TFDP2: variants seen among roughly 807,000 people sequenced by gnomAD.
TFDP2 encodes transcription factor Dp-2 (E2F dimerization partner 2).
A neutral mutation model predicts 59.3 loss-of-function variants in TFDP2; 17 were observed. The observed-to-expected ratio is 0.29, with a 90% CI of 0.20 to 0.43. The LOEUF (loss-of-function observed/expected upper bound fraction) is 0.43. Ranked by LOEUF, TFDP2 falls within the 20% of genes least tolerant of loss-of-function variation. The pLI is 1.00. For missense variants in TFDP2, 391 were observed against 528.8 expected (o/e 0.74, Z 2.56); for synonymous variants, 180 against 194.7 (o/e 0.92, Z 0.63).
At position 142,045,320 on chromosome 3, in the gene TFDP2, G is replaced by A. The variant is rs531882665; in HGVS notation, c.83-39776C>T. The stretch of plus-strand genomic sequence containing the variant: ...GACTACAGGTGCCCACCACAACACC[G>A]GGCTAATTTTTGTATTTTTAGTAGA... On this transcript the variant is annotated intron_variant, in intron 3 of 12. Coordinates refer to ENST00000489671, the MANE Select transcript of TFDP2 (RefSeq NM_001178139.2). Among the ~76,000 whole-genome samples, 568 of 150,972 alleles carry A rather than the reference G, an allele frequency of 3.8e-3. 4 individuals are homozygous for A. Among genetic ancestry groups the A allele is most frequent in the Admixed American group, 5.7e-3 (87 of 15,162 alleles).
chr3:142,079,607 A>C (rs2060569898), intron 3 of TFDP2, among the ~76,000 whole-genome samples: 1 of 152,180 alleles, frequency 6.6e-6, no homozygotes, highest in Admixed American at 6.5e-5. Flanking sequence ...CAAACTCCTG[A>C]AGGTCAAAGA....
intron 1 of TFDP2, among the ~76,000 whole-genome samples, chr3:142,132,340 G>GT (rs140777987): frequency 1.3e-5 from 2 of 150,046 alleles, no homozygotes; most frequent in South Asian, 2.1e-4. Flanking sequence ...TGAGTATGGG[G>GT]TTTTTTTAAG....
chr3:142,010,530 A>G (rs1168965883), intron 3 of TFDP2, among the ~76,000 whole-genome samples: 3 of 146,002 alleles, frequency 2.1e-5, no homozygotes, highest in Non-Finnish European at 4.5e-5. Flanking sequence ...AATCGCTTGA[A>G]CCCGGGAGGC....
intron 10 of TFDP2, among the ~76,000 whole-genome samples, chr3:141,960,568 C>T (rs1194181539): frequency 6.6e-6 from 1 of 152,058 alleles, no homozygotes; most frequent in East Asian, 1.9e-4. Flanking sequence ...GGTTTGGGGA[C>T]AATGGTAGGT....
chr3:141,977,110 T>A (rs376033049), intron 7 of TFDP2, among the ~76,000 whole-genome samples: 2,976 of 78,138 alleles, frequency 0.038, 38 homozygotes, highest in Middle Eastern at 0.045. Flanking sequence ...ATATATATTT[T>A]TTTTTTTTTT....
chr3:142,052,265 CG>C (rs1429411043), intron 3 of TFDP2, among the ~76,000 whole-genome samples: 7 of 151,952 alleles, frequency 4.6e-5, no homozygotes, highest in African/African-American at 1.7e-4. Flanking sequence ...TGGCCGTGCG[CG>C]GTGGCTCACG....
chr3:142,135,645 A>T (rs1229853195), intron 1 of TFDP2, among the ~76,000 whole-genome samples: 1 of 151,998 alleles, frequency 6.6e-6, no homozygotes, highest in African/African-American at 2.4e-5. Flanking sequence ...ATAAGGGAGA[A>T]CATATGGTGT....
Position 141,968,423 on chromosome 3 carries a change from CTCATATATAG to C in TFDP2, c.732+1640_732+1649del, listed in dbSNP as rs1285930439. ...TATATCATATATATAACATATATAT[CTCATATATAG>C]ATATATATAACATATATATCTCATA... On this transcript the variant is annotated intron_variant, in intron 9 of 12. Transcript: ENST00000489671. 9.7e-3 allele frequency among the ~76,000 whole-genome samples: 851 copies of C among 87,912 alleles called. 64 individuals are homozygous for C. The highest frequency in any genetic ancestry group is 0.014 in the Non-Finnish European group (703 of 49,044). 57.7% of individuals were successfully genotyped at this position (87,912 alleles called of 152,430 possible).
chr3:142,074,183 TG>T (rs1438171273), intron 3 of TFDP2, among the ~76,000 whole-genome samples: 2 of 145,884 alleles, frequency 1.4e-5, no homozygotes, highest in Admixed American at 6.8e-5. Flanking sequence ...CGAGGGCGGG[TG>T]GATCACCTGA....
chr3:142,148,422 C>T (rs2063251187), intron 1 of TFDP2, among the ~76,000 whole-genome samples: 1 of 152,158 alleles, frequency 6.6e-6, no homozygotes, highest in African/African-American at 2.4e-5. Context: ...AATAAAAGTG[C>T]CTAACTAATG....
Position 142,149,226 on chromosome 3 carries a change from G to C in TFDP2, c.-136C>G, listed in dbSNP as rs2063299014. 2.5e-6 allele frequency: 1 copy of C among 397,690 alleles called. No homozygotes were observed. Among genetic ancestry groups the C allele is most frequent in the Admixed American group, 4.4e-5 (1 of 22,712 alleles). 24.6% of individuals were successfully genotyped at this position (397,690 alleles called of 1,614,324 possible). A position where few individuals can be genotyped will look rare whatever the true frequency, so the allele number is the denominator to read the frequency against. The stretch of plus-strand genomic sequence containing the variant: ...AACTGGCGGCCAAGCGAGGCTGTCG[G>C]GCCGAGCCAGGAGCGCGTCTTCGGG... On this transcript the variant is annotated 5_prime_UTR_variant, in exon 1 of 13. Coordinates refer to ENST00000489671, the MANE Select transcript of TFDP2 (RefSeq NM_001178139.2).
intron 3 of TFDP2, among the ~76,000 whole-genome samples, chr3:142,091,253 T>C (rs893303357): frequency 1.3e-5 from 2 of 152,182 alleles, no homozygotes; most frequent in African/African-American, 4.8e-5. Flanking sequence ...ATGAGGAGCA[T>C]TGAGGCTTAA....
At chr3:142,102,872 G>A (rs1403275983) in intron 1 of TFDP2, among the ~76,000 whole-genome samples, 2 of 152,126 alleles carry the variant, frequency 1.3e-5, no homozygotes, top group Non-Finnish European at 2.9e-5. Flanking sequence ...CAAAATAATG[G>A]CCTGAATTCT....
At chr3:141,964,337 C>T (rs11569260) in intron 9 of TFDP2, among the ~76,000 whole-genome samples, 11,406 of 152,180 alleles carry the variant, frequency 0.075, 572 homozygotes, top group African/African-American at 0.14. Flanking sequence ...TTTAAAGGCA[C>T]AAAATTGTTT....
At chr3:141,956,354 C>A (rs1936645041) in intron 11 of TFDP2, among the ~76,000 whole-genome samples, 1 of 152,082 alleles carries the variant, frequency 6.6e-6, no homozygotes, top group Non-Finnish European at 1.5e-5. Context: ...GAGTTCGAGA[C>A]CAGCCTGGCC....
intron 4 of TFDP2, among the ~76,000 whole-genome samples, chr3:141,996,425 C>G (rs1943278721): frequency 6.6e-6 from 1 of 152,160 alleles, no homozygotes; most frequent in Admixed American, 6.5e-5. Flanking sequence ...TAAGTCCCAA[C>G]TGAGAATGAA....
At chr3:141,997,434 T>G (rs1943367394) in intron 4 of TFDP2, among the ~76,000 whole-genome samples, 1 of 152,164 alleles carries the variant, frequency 6.6e-6, no homozygotes, top group Non-Finnish European at 1.5e-5. Flanking sequence ...AACAGCAGTG[T>G]CTACAAAGCT....
In TFDP2 at chr3:142,028,752, A is replaced by T. The variant is rs1261472731; in HGVS notation, c.83-23208T>A. On this transcript the variant is annotated intron_variant, in intron 3 of 12. Transcript: ENST00000489671. Reference sequence around the variant, plus strand: ...GATGCTCAAGAAAACTGTTTAGTTAACTGGCTTTCAAAAGACATATGAATA... The same window carrying T: ...GATGCTCAAGAAAACTGTTTAGTTATCTGGCTTTCAAAAGACATATGAATA... 1.3e-5 allele frequency: 13 copies of T among 982,168 alleles called. No individual in the cohort carries two copies. The East Asian group carries it at 1.5e-3, about 111-fold the overall frequency. The allele number at this position is 982,168 out of a possible 1,614,324, so 60.8% of individuals were successfully genotyped here.
intron 9 of TFDP2, among the ~76,000 whole-genome samples, chr3:141,969,512 C>G (rs954758978): frequency 6.6e-6 from 1 of 151,584 alleles, no homozygotes; most frequent in Non-Finnish European, 1.5e-5. Flanking sequence ...ACTTGGGAGG[C>G]TGAGGCAGAG....
Sources: gnomAD v4.1 joint callset for allele counts (sites outside exome capture counted in the v4.1 genomes callset) on GRCh38, gnomAD v4.1.1 for gene constraint, MANE v1.5 for transcripts, NCBI Gene and HGNC (gene_info 2026-07-23, HGNC 2026-07-21) for gene names.